The following MCC variants were observed in gnomAD, a reference collection of about 807,000 sequenced individuals.
The protein encoded by MCC is MCC regulator of Wnt signaling pathway.
MCC carries 90 observed loss-of-function variants against 116.2 expected under a neutral mutation model. The ratio of observed to expected loss-of-function variants is 0.77; its 90% confidence interval spans 0.65 to 0.92. MCC has a LOEUF of 0.92. Ranked by LOEUF, MCC falls within the 40% of genes least tolerant of loss-of-function variation. MCC has a pLI of 0.00. For missense variants in MCC, 1,516 were observed against 1,312.2 expected, an observed-to-expected ratio of 1.16 and a Z score of -2.40; for synonymous variants, 578 against 510.5, an observed-to-expected ratio of 1.13 and a Z score of -1.78.
intron 3 of MCC, among the ~76,000 whole-genome samples, chr5:113,251,996 A>G (rs1012168361): frequency 6.6e-6 from 1 of 152,204 alleles, no homozygotes; most frequent in African/African-American, 2.4e-5. Flanking sequence ...TCTCAGTAAA[A>G]TTACCAGATT....
intron 14 of MCC, among the ~76,000 whole-genome samples, chr5:113,062,891 C>T (rs925690234): frequency 6.6e-6 from 1 of 152,178 alleles, no homozygotes; most frequent in Non-Finnish European, 1.5e-5. Context: ...AGTTGCTTTC[C>T]AGCACCAAGA....
At chr5:113,043,250 T>C (rs1206692142) in intron 17 of MCC, among the ~76,000 whole-genome samples, 3 of 152,120 alleles carry the variant, frequency 2.0e-5, no homozygotes, top group African/African-American at 7.2e-5. Flanking sequence ...GTCCCGGAAG[T>C]TTCTAGCCAA....
intron 17 of MCC, 36 bp from the exon 18 acceptor site, chr5:113,029,092 T>C: frequency 1.9e-6 from 3 of 1,585,970 alleles, no homozygotes; most frequent in Non-Finnish European, 1.7e-6. Flanking sequence ...CAGGAGTAGT[T>C]TGAGATGATG....
intron 3 of MCC, among the ~76,000 whole-genome samples, chr5:113,254,427 T>C (rs1421924924): frequency 6.6e-6 from 1 of 152,208 alleles, no homozygotes; most frequent in Non-Finnish European, 1.5e-5. Context: ...AGCAGTTAGT[T>C]CATAACGCAT....
chr5:113,107,037 C>T (rs984717053), intron 6 of MCC, among the ~76,000 whole-genome samples: 7 of 152,078 alleles, frequency 4.6e-5, no homozygotes, highest in African/African-American at 1.2e-4. Flanking sequence ...CTCTACTAAA[C>T]GTAAGTTCCA....
intron 12 of MCC, 64 bp from the exon 13 acceptor site, chr5:113,068,247 C>A: frequency 7.6e-7 from 1 of 1,307,406 alleles, no homozygotes; most frequent in Non-Finnish European, 1.1e-6. Context: ...AATGTGGCGC[C>A]GGTTTCTGTG....
intron 3 of MCC, among the ~76,000 whole-genome samples, chr5:113,172,191 T>C (rs1056295450): frequency 1.3e-5 from 2 of 152,142 alleles, no homozygotes; most frequent in Non-Finnish European, 2.9e-5. Context: ...TTAATATTGA[T>C]CAAGTCTCAC....
At chr5:113,213,883 T>G (rs1194222746) in intron 3 of MCC, among the ~76,000 whole-genome samples, 1 of 152,184 alleles carries the variant, frequency 6.6e-6, no homozygotes, top group Non-Finnish European at 1.5e-5. Context: ...AGCTAATCCT[T>G]AAGTCCTTTT....
At chr5:113,462,591 A>G (rs748745888) in intron 1 of MCC, among the ~76,000 whole-genome samples, 1 of 152,232 alleles carries the variant, frequency 6.6e-6, no homozygotes, top group Non-Finnish European at 1.5e-5. Context: ...CAATGTGAGA[A>G]AAACCCCAAC....
chr5:113,150,819 T>C (rs1168464326), intron 4 of MCC, among the ~76,000 whole-genome samples: 1 of 152,194 alleles, frequency 6.6e-6, no homozygotes, highest in Non-Finnish European at 1.5e-5. Context: ...CCCAGCACTT[T>C]AGAAGGCCAA....
intron 3 of MCC, among the ~76,000 whole-genome samples, chr5:113,314,300 T>A: frequency 6.6e-6 from 1 of 152,280 alleles, no homozygotes; most frequent in Non-Finnish European, 1.5e-5. Context: ...ATTTTTCTAA[T>A]TACAATTTGG....
At chr5:113,257,111 A>T (rs753384496) in intron 3 of MCC, among the ~76,000 whole-genome samples, 16 of 152,068 alleles carry the variant, frequency 1.1e-4, no homozygotes, top group Non-Finnish European at 1.9e-4. Flanking sequence ...AGATTAGCAG[A>T]AGTTTGTGGT....
intron 3 of MCC, among the ~76,000 whole-genome samples, chr5:113,180,048 G>A (rs934223943): frequency 3.3e-5 from 5 of 152,282 alleles, no homozygotes; most frequent in African/African-American, 9.6e-5. Context: ...AGTACAAAGA[G>A]GATTTCCATG....
At chr5:113,408,218 G>A (rs1580340700) in intron 1 of MCC, among the ~76,000 whole-genome samples, 2 of 152,164 alleles carry the variant, frequency 1.3e-5, no homozygotes, top group South Asian at 4.1e-4. Context: ...GTCTAAGATA[G>A]AGGAAGGCAA....
At position 113,122,467 on chromosome 5, in the gene MCC, G is replaced by A. The variant is rs1757789437; in HGVS notation, c.1027+217C>T. 2.0e-5 allele frequency among the ~76,000 whole-genome samples: 3 copies of A among 152,200 alleles called. No homozygotes were observed. The South Asian group carries it at 6.2e-4, about 32-fold the overall frequency. ...ACTTCCAGAATTTTCAAATAGAAGT[G>A]ACTTATGTTTGAATCACAATTGTAT... On this transcript the variant is annotated intron_variant, in intron 6 of 18. Transcript: ENST00000408903.
chr5:113,038,999 C>T (rs1006404291), intron 17 of MCC, among the ~76,000 whole-genome samples: 2 of 152,088 alleles, frequency 1.3e-5, no homozygotes, highest in African/African-American at 2.4e-5. Context: ...ACTAAATGAC[C>T]GCAGCCTCCT....
At chr5:113,204,578 G>A (rs746658353) in intron 3 of MCC, 18 of 152,162 alleles carry the variant, frequency 1.2e-4, no homozygotes, top group African/African-American at 4.3e-4. Context: ...CAGATCTGAG[G>A]GTGCTGCGGA....
At chr5:113,488,205 G>C in intron 1 of MCC, 40 bp downstream of exon 1, 3 of 1,577,224 alleles carry the variant, frequency 1.9e-6, no homozygotes, top group Non-Finnish European at 2.6e-6. Flanking sequence ...CGGAGGGACT[G>C]ATCTCGCTCC....
chr5:113,467,698 T>C (rs747388815), intron 1 of MCC, among the ~76,000 whole-genome samples: 8 of 152,172 alleles, frequency 5.3e-5, no homozygotes, highest in Non-Finnish European at 8.8e-5. Context: ...AAGTTTAAAG[T>C]AGTTTTTTCC....
Sources: allele counts gnomAD v4.1 joint callset (sites outside exome capture counted in the v4.1 genomes callset), GRCh38; gene constraint gnomAD v4.1.1; transcripts MANE v1.5; gene names NCBI Gene and HGNC (gene_info 2026-07-23, HGNC 2026-07-21).